Variants in SEPTIN2 observed in about 807,000 individuals in gnomAD.
The protein encoded by SEPTIN2 is septin-2.
SEPTIN2 carries 34 observed loss-of-function variants against 46.5 expected under a neutral mutation model. The ratio of observed to expected loss-of-function variants is 0.73; its 90% CI spans 0.56 to 0.97. The LOEUF is 0.97. Among genes scored for constraint, SEPTIN2 ranks in the 50% least tolerant of loss-of-function variants. SEPTIN2 has a pLI of 0.00. For missense variants in SEPTIN2, 347 were observed against 448.4 expected (o/e 0.77, Z 2.04); for synonymous variants, 175 against 153.4 (o/e 1.14, Z -1.04).
At chr2:241,344,120 G>A (rs2081645427) in intron 9 of SEPTIN2, among the ~76,000 whole-genome samples, 1 of 152,112 alleles carries the variant, frequency 6.6e-6, no homozygotes, top group African/African-American at 2.4e-5. Context: ...TTCTGCCTGT[G>A]GCCTGTAGCC....
intron 3 of SEPTIN2, among the ~76,000 whole-genome samples, chr2:241,332,487 A>G (rs771387839): frequency 1.3e-5 from 2 of 152,210 alleles, no homozygotes; most frequent in Non-Finnish European, 2.9e-5. Flanking sequence ...CCCAGCCACT[A>G]AGAGGCAGGC....
intron 1 of SEPTIN2, chr2:241,316,397 C>CCCGACAAACACTTAGAGCTTG: frequency 5.9e-5 from 63 of 1,074,812 alleles, no homozygotes; most frequent in Non-Finnish European, 7.4e-5. Context: ...TCTTGTCTTT[C>CCCGACAAACACTTAGAGCTTG]TAACGGTGCC....
intron 7 of SEPTIN2, among the ~76,000 whole-genome samples, chr2:241,340,686 C>G (rs1285735014): frequency 6.6e-6 from 1 of 152,080 alleles, no homozygotes; most frequent in Non-Finnish European, 1.5e-5. Context: ...ATCCTGTATG[C>G]GAAACATTTA....
chr2:241,320,028 C>T (rs1008019425), intron 1 of SEPTIN2, among the ~76,000 whole-genome samples: 1 of 146,638 alleles, frequency 6.8e-6, no homozygotes, highest in African/African-American at 2.4e-5. Context: ...TGATACATTC[C>T]TGGAATCTAA....
chr2:241,329,830 G>A (rs1303614737), intron 3 of SEPTIN2, among the ~76,000 whole-genome samples: 10 of 152,220 alleles, frequency 6.6e-5, no homozygotes, highest in Admixed American at 6.5e-4. Context: ...AAGGAGGAAT[G>A]TTGAGAAAGG....
intron 3 of SEPTIN2, among the ~76,000 whole-genome samples, chr2:241,334,732 C>G (rs966190432): frequency 6.6e-6 from 1 of 152,228 alleles, no homozygotes. Flanking sequence ...GTTCAGTTTT[C>G]TGAAAATGTG....
intron 1 of SEPTIN2, chr2:241,317,651 C>T (rs1430258212): frequency 4.2e-6 from 3 of 717,354 alleles, no homozygotes; most frequent in East Asian, 2.6e-4. Flanking sequence ...TGCCACTTAT[C>T]CCTGCCCCAG....
intron 11 of SEPTIN2, 44 bp downstream of exon 11, chr2:241,348,235 T>C (rs750482185): frequency 2.6e-6 from 4 of 1,565,168 alleles, no homozygotes; most frequent in South Asian, 2.2e-5. Flanking sequence ...GTTGGTTGTT[T>C]TGTTTGTTTT....
chr2:241,345,732 CAT>C (rs924134720), intron 9 of SEPTIN2, among the ~76,000 whole-genome samples: 5 of 152,128 alleles, frequency 3.3e-5, no homozygotes, highest in Admixed American at 6.5e-5. Context: ...TCTTTTTTCT[CAT>C]ATGAGAGTAA....
At position 241,346,934 on chromosome 2, in the gene SEPTIN2, G is replaced by A. The variant is rs573220267; in HGVS notation, c.926+685G>A. Among the ~76,000 whole-genome samples, 102 of 152,244 alleles carry A rather than the reference G, an allele frequency of 6.7e-4. 3 individuals carry two copies. In the South Asian group the frequency reaches 0.02, roughly 30 times the overall value. Reference sequence around the variant, plus strand: ...CAGTGGCCGTTGAAGCAGCAGCTTCGATCCTCGCAAAGTCCTGCAGCCATC... The same window carrying A: ...CAGTGGCCGTTGAAGCAGCAGCTTCAATCCTCGCAAAGTCCTGCAGCCATC... On this transcript the variant is annotated intron_variant, in intron 10 of 12. Transcript: ENST00000391971.
At chr2:241,327,982 C>T (rs1222003941) in intron 3 of SEPTIN2, among the ~76,000 whole-genome samples, 6 of 151,844 alleles carry the variant, frequency 4.0e-5, no homozygotes, top group Non-Finnish European at 8.8e-5. Context: ...CAGCCTGAGA[C>T]GTCAGGCCTA....
chr2:241,321,058 G>A (rs1372080634), intron 1 of SEPTIN2, among the ~76,000 whole-genome samples: 1 of 152,130 alleles, frequency 6.6e-6, no homozygotes, highest in Admixed American at 6.5e-5. Flanking sequence ...AACATTGACT[G>A]TAAAAATGTT....
At position 241,335,166 on chromosome 2, in the gene SEPTIN2, A is replaced by G. The variant is rs201711632; in HGVS notation, c.171A>G (p.Leu57=). ...GLGKSTLINS[L]FLTDLYPERV... is the part of the protein sequence containing the mutation. ...GAAAATCGACTCTCATAAACAGCCT[A>G]TTCCTAACTGATCTGTACCCAGAAA... The change falls in exon 4 of 13, where the codon CTA becomes CTG. Residue 57 remains leucine (L), a synonymous_variant. Transcript: ENST00000391971. 52 of 1,613,856 alleles carry G rather than the reference A, an allele frequency of 3.2e-5. No homozygotes were observed. The highest frequency in any genetic ancestry group is 1.6e-4 in the Middle Eastern group (1 of 6,082).
chr2:241,327,168 G>T (rs1391810060), intron 3 of SEPTIN2, among the ~76,000 whole-genome samples: 2 of 151,132 alleles, frequency 1.3e-5, no homozygotes, highest in African/African-American at 4.9e-5. Context: ...ACATAATCAG[G>T]AGAAAAAGCA....
intron 3 of SEPTIN2, among the ~76,000 whole-genome samples, chr2:241,329,987 T>A (rs2078723897): frequency 6.6e-6 from 1 of 152,226 alleles, no homozygotes; most frequent in East Asian, 1.9e-4. Context: ...GGCCAGCAGA[T>A]ATTTAAGAAT....
At chr2:241,343,251 C>T (rs534248935) in intron 8 of SEPTIN2, among the ~76,000 whole-genome samples, 158 bp downstream of exon 8, 9 of 152,304 alleles carry the variant, frequency 5.9e-5, no homozygotes, top group Non-Finnish European at 1.2e-4. Context: ...ATAATCCCAG[C>T]ACTTTGAGAG....
intron 2 of SEPTIN2, among the ~76,000 whole-genome samples, chr2:241,325,516 C>G (rs1316612022): frequency 1.3e-5 from 2 of 152,056 alleles, no homozygotes; most frequent in African/African-American, 4.8e-5. Context: ...CTTTTTTCCT[C>G]GATACTTTTC....
At chr2:241,334,370 T>C (rs2079554452) in intron 3 of SEPTIN2, among the ~76,000 whole-genome samples, 1 of 152,198 alleles carries the variant, frequency 6.6e-6, no homozygotes, top group Non-Finnish European at 1.5e-5. Flanking sequence ...AATGTAAAAT[T>C]TAATTTTTGG....
At chr2:241,335,064 T>TTA in intron 3 of SEPTIN2, 62 bp from the exon 4 acceptor site, 1 of 1,195,606 alleles carries the variant, frequency 8.4e-7, no homozygotes, top group Non-Finnish European at 1.2e-6. Flanking sequence ...ATGTAAACAC[T>TTA]TAACCGATTG....
Sources: gnomAD v4.1 joint callset for allele counts (sites outside exome capture counted in the v4.1 genomes callset) on GRCh38, gnomAD v4.1.1 for gene constraint, MANE v1.5 for transcripts, NCBI Gene and HGNC (gene_info 2026-07-23, HGNC 2026-07-21) for gene names.